PRDM8: variants seen among roughly 807,000 people sequenced by gnomAD.
PRDM8 encodes the protein PR/SET domain 8, also known as PR domain zinc finger protein 8.
PRDM8 carries 13 observed loss-of-function variants against 46.5 expected under a neutral mutation model. The ratio of observed to expected loss-of-function variants is 0.28; its 90% confidence interval spans 0.18 to 0.44. The LOEUF is 0.44. PRDM8 is among the 20% of genes least tolerant of loss of function. The probability of loss-of-function intolerance (pLI) is 1.00; values close to 1 mark genes in which losing one functional copy is unlikely to be tolerated. For missense variants in PRDM8, 998 were observed against 955.0 expected, an observed-to-expected ratio of 1.04 and a Z score of -0.59; for synonymous variants, 473 against 438.4, an observed-to-expected ratio of 1.08 and a Z score of -0.98.
chr4:80,195,454 C>T (rs1370723848), upstream of PRDM8, among the ~76,000 whole-genome samples: 1 of 151,922 alleles, frequency 6.6e-6, no homozygotes, highest in Non-Finnish European at 1.5e-5. Flanking sequence ...CTAATGCTTC[C>T]ACCCATTCTT....
chr4:80,193,266 A>G (rs1209759555), upstream of PRDM8, among the ~76,000 whole-genome samples: 1 of 152,128 alleles, frequency 6.6e-6, no homozygotes, highest in Non-Finnish European at 1.5e-5. Context: ...AGCCAACTAC[A>G]ATACTTAGGG....
upstream of PRDM8, chr4:80,196,887 C>G: frequency 2.0e-6 from 2 of 983,178 alleles, no homozygotes; most frequent in South Asian, 9.4e-5. Context: ...GACATTCTCA[C>G]TCCAACCTCA....
chr4:80,185,812 T>C (rs764308956), intron 1 of PRDM8, among the ~76,000 whole-genome samples: 21 of 152,244 alleles, frequency 1.4e-4, no homozygotes, highest in Non-Finnish European at 2.6e-4. Context: ...TTCAAAACCG[T>C]CTTCCAGTTC....
Position 80,203,761 on chromosome 4 carries a change from GAC to G in PRDM8, c.*234_*235del. On this transcript the variant is annotated 3_prime_UTR_variant, in exon 4 of 4. Transcript: ENST00000415738. ...ACACCCCCCCCCACACACACACACA[GAC>G]ACACTCACACACAAGAGCCAGGATG... 3.1e-5 allele frequency: 14 copies of G among 448,338 alleles called. No individual in the cohort carries two copies. The highest frequency in any genetic ancestry group is 6.4e-4 in the Middle Eastern group (1 of 1,556). The allele number at this position is 448,338 out of a possible 1,614,324, so 27.8% of individuals were successfully genotyped here. A position where few individuals can be genotyped will look rare whatever the true frequency, so the allele number is the denominator to read the frequency against.
At position 80,200,160 on chromosome 4, in the gene PRDM8, C is replaced by A. The variant is rs764807564; in HGVS notation, c.80C>A (p.Thr27Asn). The change falls in exon 2 of 4, where the codon ACC (threonine) becomes AAC (asparagine). Residue 27 changes from threonine (T) to asparagine (N), a missense_variant. Physicochemically the swap from Thr to Asn is moderately conservative, Grantham distance 65 (BLOSUM62 0). Coordinates refer to ENST00000415738, the MANE Select transcript of PRDM8 (RefSeq NM_001099403.2). ...CAACAATGTCTGACAGATATTTTTA[C>A]CAGCGTTTACACCACCTGCGACATC... is the stretch of plus-strand genomic sequence containing the variant. The part of the protein sequence containing the change: ...AVQQCLTDIF[T>N]SVYTTCDIPE... 5 of 1,614,122 alleles carry A rather than the reference C, an allele frequency of 3.1e-6. No individual in the cohort carries two copies. Among genetic ancestry groups the A allele is most frequent in the Non-Finnish European group, 4.2e-6 (5 of 1,179,990 alleles).
At chr4:80,194,912 C>A (rs558904580), upstream of PRDM8, among the ~76,000 whole-genome samples, 1 of 152,128 alleles carries the variant, frequency 6.6e-6, no homozygotes, top group Non-Finnish European at 1.5e-5. Flanking sequence ...GTACCAAAAA[C>A]ATTATTTTAT....
chr4:80,198,877 A>C (rs1157288404), intron 1 of PRDM8, among the ~76,000 whole-genome samples: 1 of 151,862 alleles, frequency 6.6e-6, no homozygotes, highest in Non-Finnish European at 1.5e-5. Flanking sequence ...TGACATTATT[A>C]GGGAACAACA....
Position 80,203,700 on chromosome 4 carries a change from T to G in PRDM8, c.*168T>G. 9.5e-7 allele frequency: 1 copy of G among 1,052,448 alleles called. No individual in the cohort carries two copies. Among genetic ancestry groups the G allele is most frequent in the Non-Finnish European group, 1.2e-6 (1 of 812,064 alleles). 65.2% of individuals were successfully genotyped at this position (1,052,448 alleles called of 1,614,324 possible). On this transcript the variant is annotated 3_prime_UTR_variant, in exon 4 of 4. Coordinates refer to ENST00000415738, the MANE Select transcript of PRDM8 (RefSeq NM_001099403.2). The stretch of plus-strand genomic sequence containing the variant: ...CAACGCGCACACACACGTCCTCTCC[T>G]CCCAGGAACCTCATTCAAATATTTA...
rs765881338 is a variant in PRDM8, at chr4:80,200,207, C to T, written c.127C>T (p.Pro43Ser). The T allele has an allele frequency of 2.0e-5, 33 of 1,613,960 alleles. No individual in the cohort carries two copies. The highest frequency in any genetic ancestry group is 2.8e-5 in the Non-Finnish European group (33 of 1,179,974). ...CATCCCTGAGAATGCTATATTTGGT[C>T]CCTGTGTCCTGAGCCATACTTCCCT... ...CDIPENAIFGPCVLSHTSLYD... is the reference protein window; with the variant it reads ...CDIPENAIFGSCVLSHTSLYD... Residue 43 changes from proline to serine, a missense_variant, in exon 2 of 4, where the codon CCC (proline) becomes TCC (serine). Coordinates refer to ENST00000415738, the MANE Select transcript of PRDM8 (RefSeq NM_001099403.2).
At chr4:80,188,379 C>T (rs1232269549) in intron 1 of PRDM8, among the ~76,000 whole-genome samples, 1 of 152,194 alleles carries the variant, frequency 6.6e-6, no homozygotes, top group African/African-American at 2.4e-5. Context: ...CCCTATTTCA[C>T]AGATCCCCCT....
Position 80,202,445 on chromosome 4 carries a change from G to T in PRDM8, c.983G>T (p.Gly328Val). Reference sequence around the variant, plus strand: ...GCGGCGGAGGGCGGCGGTGGCGCTGGTCTGGTAGGGGGCCGGGGCCGCTTC... The same window carrying T: ...GCGGCGGAGGGCGGCGGTGGCGCTGTTCTGGTAGGGGGCCGGGGCCGCTTC... ...EEAAEGGGGA[G>V]LVGGRGRFVE... is the part of the protein sequence containing the mutation. Residue 328 changes from glycine to valine, a missense_variant, in exon 4 of 4, where the codon GGT becomes GTT. Coordinates refer to ENST00000415738, the MANE Select transcript of PRDM8 (RefSeq NM_001099403.2). The T allele has an allele frequency of 1.3e-6, 2 of 1,546,810 alleles. No homozygotes were observed. Among genetic ancestry groups the T allele is most frequent in the Non-Finnish European group, 1.7e-6 (2 of 1,146,696 alleles).
At chr4:80,191,878 C>A (rs1438076668) in intron 2 of PRDM8, among the ~76,000 whole-genome samples, 3 of 152,156 alleles carry the variant, frequency 2.0e-5, no homozygotes, top group Non-Finnish European at 4.4e-5. Flanking sequence ...AGCAAGGGAG[C>A]AGTTTGGGAG....
chr4:80,186,773 C>T (rs1327708913), intron 1 of PRDM8, among the ~76,000 whole-genome samples: 1 of 152,166 alleles, frequency 6.6e-6, no homozygotes, highest in Non-Finnish European at 1.5e-5. Flanking sequence ...TTTTGTTTTA[C>T]AATTGTTGTA....
At chr4:80,198,980 GTTTTTTTTTTTTTGTTTTTTTTTTT>G (rs1199454527) in intron 1 of PRDM8, among the ~76,000 whole-genome samples, 7 of 104,226 alleles carry the variant, frequency 6.7e-5, no homozygotes, top group East Asian at 9.4e-4. Flanking sequence ...GTTTTTTTGG[GTTTTTTTTTTTTTGTTTTTTTTTTT>G]TTTTTTTTTT....
chr4:80,193,697 C>T (rs1417566354), upstream of PRDM8, among the ~76,000 whole-genome samples: 1 of 152,182 alleles, frequency 6.6e-6, no homozygotes, highest in Non-Finnish European at 1.5e-5. Flanking sequence ...CTCACAGCCC[C>T]TTCCAGAGAC....
chr4:80,195,928 C>CAGAGAGAGAGAGAGAGAGAGAGAGAG (rs1553904276), upstream of PRDM8: 2 of 139,976 alleles, frequency 1.4e-5, no homozygotes, highest in Non-Finnish European at 1.3e-5. Flanking sequence ...CACACACACA[C>CAGAGAGAGAGAGAGAGAGAGAGAGAG]AGAGAGAGAG....
upstream of PRDM8, among the ~76,000 whole-genome samples, chr4:80,193,004 A>C (rs180941023): frequency 1.6e-3 from 238 of 152,362 alleles, 4 homozygotes; most frequent in Admixed American, 0.013. Flanking sequence ...TAAGAGAGAA[A>C]GTTTTAAACT....
upstream of PRDM8, among the ~76,000 whole-genome samples, chr4:80,192,637 T>C (rs1737638968): frequency 2.6e-5 from 4 of 152,178 alleles, no homozygotes; most frequent in South Asian, 6.2e-4. Context: ...TAGGAAGGAC[T>C]TTGGAACCTA....
upstream of PRDM8, chr4:80,195,928 CAGAGAGAG>C (rs1553904276): frequency 1.0e-3 from 146 of 140,928 alleles, no homozygotes; most frequent in African/African-American, 3.2e-3. Context: ...CACACACACA[CAGAGAGAG>C]AGAGAGAGAG....
Sources: allele counts gnomAD v4.1 joint callset (sites outside exome capture counted in the v4.1 genomes callset), GRCh38; gene constraint gnomAD v4.1.1; transcripts MANE v1.5; gene names NCBI Gene and HGNC (gene_info 2026-07-23, HGNC 2026-07-21).